The following RAD51B variants were observed in gnomAD, a reference collection of about 807,000 sequenced individuals.
RAD51B encodes RAD51 paralog B, also known as DNA repair protein RAD51 homolog 2.
RAD51B carries 38 observed loss-of-function variants against 42.2 expected under a neutral mutation model. The observed-to-expected ratio is 0.90, with a 90% CI of 0.70 to 1.18. The LOEUF is 1.18. Ranked by LOEUF, RAD51B falls within the 50% of genes most tolerant of loss-of-function variation. The probability of loss-of-function intolerance (pLI) is 0.00; values close to 1 mark genes in which losing one functional copy is unlikely to be tolerated. For synonymous variants in RAD51B, 154 were observed against 145.2 expected (o/e 1.06, Z -0.43); for missense variants, 373 against 400.7 (o/e 0.93, Z 0.59).
intron 9 of RAD51B, chr14:68,422,286 G>C (rs1410500952): frequency 2.9e-6 from 2 of 692,878 alleles, no homozygotes; most frequent in Admixed American, 1.9e-5. Context: ...GAGGAGGTTG[G>C]GTGCGGCAGC....
At chr14:68,664,066 A>G (rs925732252) in intron 11 of RAD51B, among the ~76,000 whole-genome samples, 4 of 152,234 alleles carry the variant, frequency 2.6e-5, no homozygotes, top group East Asian at 3.8e-4. Context: ...TATGTCCACC[A>G]GGGAATTTGG....
At chr14:67,921,567 T>TCACACACACA (rs3219795) in intron 7 of RAD51B, among the ~76,000 whole-genome samples, 72 of 125,940 alleles carry the variant, frequency 5.7e-4, no homozygotes, top group African/African-American at 9.5e-4. Context: ...TATGTGCACA[T>TCACACACACA]CACACACACA....
rs760113700 is a variant in RAD51B at position 68,468,325 on chromosome 14, T to C, written c.1036+75T>C. 3 of 1,424,246 alleles carry C rather than the reference T, an allele frequency of 2.1e-6. No individual in the cohort carries two copies. In the African/African-American group the frequency reaches 4.2e-5, roughly 20 times the overall value. The allele number at this position is 1,424,246 out of a possible 1,614,324, so 88.2% of individuals were successfully genotyped here. On this transcript the variant is annotated intron_variant, in intron 10 of 10. Coordinates refer to ENST00000471583, the MANE Select transcript of RAD51B (RefSeq NM_133510.4). Reference sequence around the variant, plus strand: ...CCATTGCTAGTGGTAATTAGTGCTATGGTTCTGATAGAAGCTAGCTCCAGA... The same window carrying C: ...CCATTGCTAGTGGTAATTAGTGCTACGGTTCTGATAGAAGCTAGCTCCAGA...
At chr14:68,592,738 C>T (rs1173250894) in intron 10 of RAD51B, among the ~76,000 whole-genome samples, 1 of 152,252 alleles carries the variant, frequency 6.6e-6, no homozygotes, top group African/African-American at 2.4e-5. Flanking sequence ...TGGATGTATT[C>T]TTATTGCCTC....
exon 11 of RAD51B, chr14:68,611,232 T>C (rs1891669954): frequency 1.4e-6 from 1 of 702,972 alleles, no homozygotes; most frequent in African/African-American, 1.7e-5. Context: ...AGACTTTGGA[T>C]GAGCATCCAG....
chr14:68,514,600 CG>C (rs113628308), intron 10 of RAD51B, among the ~76,000 whole-genome samples: 1,681 of 152,220 alleles, frequency 0.011, 28 homozygotes, highest in African/African-American at 0.037. Flanking sequence ...ATCTCAGCCT[CG>C]AATCAGTCTT....
intron 7 of RAD51B, among the ~76,000 whole-genome samples, chr14:67,926,471 G>C (rs2044509864): frequency 6.6e-6 from 1 of 150,606 alleles, no homozygotes; most frequent in Admixed American, 6.6e-5. Context: ...TCATGTCACT[G>C]TCAACATTTT....
chr14:67,827,699 C>T lies in RAD51B; in HGVS notation c.198+2122C>T, dbSNP rs565876345. Among the ~76,000 whole-genome samples the T allele has an allele frequency of 5.3e-5, 8 of 152,232 alleles. No individual in the cohort carries two copies. The East Asian group carries it at 1.4e-3, about 26-fold the overall frequency. On this transcript the variant is annotated intron_variant, in intron 3 of 10. Coordinates refer to ENST00000471583, the MANE Select transcript of RAD51B (RefSeq NM_133510.4). Reference sequence around the variant, plus strand: ...CCGTGTGTCCATGTGTCCATGTGTTCTCATCGTTCAGCTCCCACTTATAAG... The same window carrying T: ...CCGTGTGTCCATGTGTCCATGTGTTTTCATCGTTCAGCTCCCACTTATAAG...
chr14:67,844,560 GTTGAA>G lies in RAD51B; in HGVS notation c.315+9371_315+9375del, dbSNP rs1017184152. ...ATATATAGGATAATTAGGTCTTTTT[GTTGAA>G]TTGAATGCTTTACCATTATGTAGTG... On this transcript the variant is annotated intron_variant, in intron 4 of 10. Coordinates refer to ENST00000471583, the MANE Select transcript of RAD51B (RefSeq NM_133510.4). 8.1e-4 allele frequency among the ~76,000 whole-genome samples: 121 copies of G among 150,002 alleles called. 1 individual carries two copies. Among genetic ancestry groups the G allele is most frequent in the African/African-American group, 2.9e-3 (120 of 41,086 alleles).
intron 10 of RAD51B, among the ~76,000 whole-genome samples, chr14:68,585,238 C>G (rs1890400894): frequency 6.6e-6 from 1 of 152,216 alleles, no homozygotes; most frequent in African/African-American, 2.4e-5. Flanking sequence ...CTCAGACCAG[C>G]CTTGATTCCC....
intron 9 of RAD51B, chr14:68,422,202 A>G: frequency 9.5e-7 from 1 of 1,055,272 alleles, no homozygotes; most frequent in East Asian, 2.4e-5. Context: ...ACCATGGCTA[A>G]TAGTACACGG....
At chr14:67,987,967 G>T (rs919544699) in intron 7 of RAD51B, among the ~76,000 whole-genome samples, 2 of 152,094 alleles carry the variant, frequency 1.3e-5, no homozygotes, top group African/African-American at 2.4e-5. Flanking sequence ...CTTTCTTTTT[G>T]AATTGCTCAG....
intron 9 of RAD51B, 87 bp downstream of exon 9, chr14:68,411,614 C>T (rs903298200): frequency 1.5e-5 from 19 of 1,268,150 alleles, no homozygotes; most frequent in African/African-American, 4.4e-5. Flanking sequence ...AAATGCTGGC[C>T]GCATTGTCTG....
At chr14:68,004,066 T>C (rs535994360) in intron 7 of RAD51B, among the ~76,000 whole-genome samples, 117 of 152,172 alleles carry the variant, frequency 7.7e-4, no homozygotes, top group African/African-American at 2.8e-3. Context: ...AAAAAGAATA[T>C]ATTGCTGTAA....
At chr14:68,532,441 A>G (rs1334379684) in intron 10 of RAD51B, among the ~76,000 whole-genome samples, 4 of 152,210 alleles carry the variant, frequency 2.6e-5, no homozygotes, top group African/African-American at 9.6e-5. Flanking sequence ...ATCATAAAAA[A>G]TAGAATGAGC....
chr14:68,417,854 T>G lies in RAD51B; in HGVS notation c.957+6327T>G, dbSNP rs141645967. ...ATCACTATTTCTGAATGAGCTCAAG[T>G]AGAGAGAACTTTCTCTTAAGAGGGT... On this transcript the variant is annotated intron_variant, in intron 9 of 10. Transcript: ENST00000471583. Among the ~76,000 whole-genome samples, 460 of 152,344 alleles carry G rather than the reference T, an allele frequency of 3.0e-3. 2 individuals are homozygous for G. Among genetic ancestry groups the G allele is most frequent in the African/African-American group, 0.01 (436 of 41,578 alleles).
At chr14:68,274,187 T>A (rs940275603) in intron 7 of RAD51B, among the ~76,000 whole-genome samples, 1 of 152,198 alleles carries the variant, frequency 6.6e-6, no homozygotes, top group African/African-American at 2.4e-5. Context: ...CATAGGGTAC[T>A]TACACCATTC....
intron 7 of RAD51B, among the ~76,000 whole-genome samples, chr14:67,993,140 T>C (rs1312761090): frequency 2.6e-5 from 4 of 152,198 alleles, no homozygotes. Flanking sequence ...TGAGATATTT[T>C]GATACAGATA....
intron 7 of RAD51B, among the ~76,000 whole-genome samples, chr14:67,979,397 G>T (rs1164695884): frequency 1.3e-5 from 2 of 152,138 alleles, no homozygotes; most frequent in Admixed American, 1.3e-4. Flanking sequence ...TTTAAACTGA[G>T]TCTTCACTCT....
Sources: gnomAD v4.1 joint callset for allele counts (sites outside exome capture counted in the v4.1 genomes callset) on GRCh38, gnomAD v4.1.1 for gene constraint, MANE v1.5 for transcripts, NCBI Gene and HGNC (gene_info 2026-07-23, HGNC 2026-07-21) for gene names.